The following PCNX1 variants were observed in gnomAD, a reference collection of about 807,000 sequenced individuals.
The protein encoded by PCNX1 is pecanex-like protein 1.
A neutral mutation model predicts 242.2 loss-of-function variants in PCNX1; 78 were observed. That is an observed-to-expected ratio of 0.32 (90% CI 0.27 to 0.39). The LOEUF is 0.39. Among genes scored for constraint, PCNX1 ranks in the 10% least tolerant of loss-of-function variants. The probability of loss-of-function intolerance (pLI) is 1.00; values close to 1 mark genes in which losing one functional copy is unlikely to be tolerated. For missense variants in PCNX1, 2,581 were observed against 2,856.5 expected, an observed-to-expected ratio of 0.90 and a Z score of 2.20; for synonymous variants, 1,024 against 1,032.9, an observed-to-expected ratio of 0.99 and a Z score of 0.17.
At chr14:71,057,791 T>C (rs1309799072) in intron 26 of PCNX1, 67 bp downstream of exon 26, 3 of 1,054,390 alleles carry the variant, frequency 2.8e-6, no homozygotes, top group Admixed American at 4.0e-5. Flanking sequence ...TACATGTTTC[T>C]ATCTCAAACC....
intron 11 of PCNX1, among the ~76,000 whole-genome samples, chr14:71,015,951 G>A (rs2059952484): frequency 6.6e-6 from 1 of 152,142 alleles, no homozygotes; most frequent in Admixed American, 6.5e-5. Flanking sequence ...TCAGCACTTT[G>A]GGAGTCTGAG....
intron 18 of PCNX1, among the ~76,000 whole-genome samples, chr14:71,035,712 A>G (rs2060510552): frequency 6.6e-6 from 1 of 151,358 alleles, no homozygotes; most frequent in South Asian, 2.1e-4. Flanking sequence ...GTTCGAGATC[A>G]GCCTGGCCAA....
chr14:70,922,437 C>T (rs946738272), intron 1 of PCNX1, among the ~76,000 whole-genome samples: 5 of 151,720 alleles, frequency 3.3e-5, no homozygotes, highest in Non-Finnish European at 5.9e-5. Context: ...ATGGAGAAAA[C>T]CGGTAAATGT....
At chr14:70,971,836 A>G (rs550864266) in intron 5 of PCNX1, among the ~76,000 whole-genome samples, 14 of 152,212 alleles carry the variant, frequency 9.2e-5, no homozygotes, top group Non-Finnish European at 1.9e-4. Flanking sequence ...CATGCCTGTC[A>G]GGTTTGAGAA....
At chr14:70,934,095 T>TTTTTAAATTATTCA (rs2056907188) in intron 1 of PCNX1, among the ~76,000 whole-genome samples, 1 of 152,248 alleles carries the variant, frequency 6.6e-6, no homozygotes, top group Non-Finnish European at 1.5e-5. Flanking sequence ...ATTATTCACT[T>TTTTTAAATTATTCA]GAGTTTTTAA....
At chr14:71,054,659 G>T (rs146055401) in intron 24 of PCNX1, among the ~76,000 whole-genome samples, 1 of 151,972 alleles carries the variant, frequency 6.6e-6, no homozygotes, top group African/African-American at 2.4e-5. Flanking sequence ...AGAAAAAAAC[G>T]CAGCTAGTTC....
rs773342489 is a variant in PCNX1 at position 71,051,917 on chromosome 14, G to A, written c.4482G>A (p.Ser1494=). 1.7e-5 allele frequency: 27 copies of A among 1,613,518 alleles called. No individual in the cohort carries two copies. The highest frequency in any genetic ancestry group is 3.3e-4 in the Middle Eastern group (2 of 6,056). ...SAMLFIQAAV[S]AFFSTPLNPF... is the part of the protein sequence containing the mutation. ...TGCTGTTTATTCAGGCTGCTGTCTC[G>A]GCCTTCTTCTCTACTCCACTGAACC... is the stretch of plus-strand genomic sequence containing the variant. Residue 1494 remains serine (S), a synonymous_variant, in exon 24 of 36, where the codon TCG becomes TCA. Transcript: ENST00000304743.
intron 2 of PCNX1, among the ~76,000 whole-genome samples, chr14:70,949,293 GTGTACACACA>G (rs2057662659): frequency 7.0e-5 from 8 of 115,002 alleles, no homozygotes; most frequent in East Asian, 2.3e-4. Flanking sequence ...ACACACACGT[GTGTACACACA>G]TATGTGTGTA....
chr14:70,963,300 G>A (rs537911250), intron 3 of PCNX1, among the ~76,000 whole-genome samples: 130 of 152,190 alleles, frequency 8.5e-4, no homozygotes, highest in African/African-American at 2.9e-3. Context: ...TATTTATATG[G>A]CACTTTACAA....
intron 30 of PCNX1, among the ~76,000 whole-genome samples, chr14:71,098,545 T>TGA (rs1337446355): frequency 2.5e-3 from 246 of 98,154 alleles, no homozygotes; most frequent in South Asian, 7.9e-3. Context: ...TGTGTGTGTG[T>TGA]GTGTGTGTGA....
chr14:70,949,448 T>TAC lies in PCNX1; in HGVS notation c.362+2326_362+2327insCA, dbSNP rs1457469404. 2.3e-4 allele frequency among the ~76,000 whole-genome samples: 35 copies of TAC among 151,842 alleles called. No homozygotes were observed. The South Asian group carries it at 7.1e-3, about 31-fold the overall frequency. On this transcript the variant is annotated intron_variant, in intron 2 of 35. Transcript: ENST00000304743. ...ATACACGTATATATGTGTATATATG[T>TAC]ATAATATACACATACGCATGTGTAT...
intron 1 of PCNX1, among the ~76,000 whole-genome samples, chr14:70,926,353 C>T (rs182205398): frequency 2.0e-5 from 3 of 152,318 alleles, no homozygotes; most frequent in East Asian, 3.8e-4. Context: ...TCACCTGCTC[C>T]TTCACTCTCG....
chr14:70,960,460 TCAA>T lies in PCNX1; in HGVS notation c.363-1760_363-1758del, dbSNP rs550537974. ...ATGCAGAAAAGGCCTTTGACAAAAT[TCAA>T]CAACACTTCATGCTAAAAACTCTCA... is the stretch of plus-strand genomic sequence containing the variant. On this transcript the variant is annotated intron_variant, in intron 2 of 35. Transcript: ENST00000304743. Among the ~76,000 whole-genome samples the T allele has an allele frequency of 3.5e-3, 539 of 152,278 alleles. 1 individual carries two copies. The highest frequency in any genetic ancestry group is 0.013 in the African/African-American group (523 of 41,544).
At chr14:71,020,683 T>A (rs774767203) in intron 12 of PCNX1, among the ~76,000 whole-genome samples, 28 of 152,196 alleles carry the variant, frequency 1.8e-4, no homozygotes. Context: ...ATGGATAGAT[T>A]GCAAAAATTT....
chr14:71,082,436 C>G (rs2061877822), intron 28 of PCNX1, among the ~76,000 whole-genome samples: 1 of 152,118 alleles, frequency 6.6e-6, no homozygotes, highest in African/African-American at 2.4e-5. Context: ...TCTCGCTGAT[C>G]TAATATTGAC....
chr14:71,003,280 G>A (rs1347063225), intron 8 of PCNX1, among the ~76,000 whole-genome samples: 2 of 151,746 alleles, frequency 1.3e-5, no homozygotes, highest in South Asian at 2.1e-4. Flanking sequence ...TAGTAGAGAC[G>A]GGGTTTTGCC....
intron 1 of PCNX1, among the ~76,000 whole-genome samples, chr14:70,915,611 G>A (rs766244467): frequency 1.3e-5 from 2 of 152,132 alleles, no homozygotes; most frequent in African/African-American, 4.8e-5. Context: ...ATGTGTTACA[G>A]TTTAATCATT....
chr14:71,035,385 A>T (rs371662316), intron 18 of PCNX1, among the ~76,000 whole-genome samples: 530 of 152,330 alleles, frequency 3.5e-3, no homozygotes, highest in African/African-American at 0.012. Flanking sequence ...TTTCTTTGGT[A>T]TTACAGTGTC....
In PCNX1 at chr14:71,046,956, C is replaced by G. The variant is rs1566743600; in HGVS notation, c.4019-8C>G. ...GACATGTAGTCTTGATTTATACTGC[C>G]TTGTTAGATGCAGCCACTATGATGT... On this transcript the variant is annotated splice_region_variant and splice_polypyrimidine_tract_variant and intron_variant, in intron 20 of 35. Transcript: ENST00000304743. The G allele has an allele frequency of 6.2e-7, 1 of 1,601,822 alleles. No homozygotes were observed. The highest frequency in any genetic ancestry group is 1.1e-5 in the South Asian group (1 of 89,264).
Sources: gnomAD v4.1 joint callset for allele counts (sites outside exome capture counted in the v4.1 genomes callset) on GRCh38, gnomAD v4.1.1 for gene constraint, MANE v1.5 for transcripts, NCBI Gene and HGNC (gene_info 2026-07-23, HGNC 2026-07-21) for gene names.